Variants in NKAIN3 observed in about 807,000 individuals in gnomAD.
NKAIN3 encodes the protein sodium/potassium transporting ATPase interacting 3.
NKAIN3 carries 25 observed loss-of-function variants against 30.2 expected under a neutral mutation model. The ratio of observed to expected loss-of-function variants is 0.83; its 90% CI spans 0.60 to 1.16. The LOEUF (loss-of-function observed/expected upper bound fraction) is 1.16, where lower values mean the gene tolerates loss of function less well. NKAIN3 is among the 50% of genes most tolerant of loss of function. The pLI is 0.00. For missense variants in NKAIN3, 225 were observed against 254.1 expected, an observed-to-expected ratio of 0.89 and a Z score of 0.78; for synonymous variants, 91 against 89.6, an observed-to-expected ratio of 1.02 and a Z score of -0.09.
intron 3 of NKAIN3, among the ~76,000 whole-genome samples, chr8:62,614,694 G>A (rs996880055): frequency 6.6e-6 from 1 of 152,264 alleles, no homozygotes; most frequent in South Asian, 2.1e-4. Flanking sequence ...TTGTATTGTG[G>A]CTGAGCTGGC....
chr8:62,635,760 GA>G (rs1812106979), intron 3 of NKAIN3, among the ~76,000 whole-genome samples: 2 of 152,128 alleles, frequency 1.3e-5, no homozygotes, highest in Non-Finnish European at 2.9e-5. Context: ...CCAACCTCCA[GA>G]TATGTGAGAA....
intron 3 of NKAIN3, among the ~76,000 whole-genome samples, chr8:62,617,487 G>T (rs982501595): frequency 2.6e-5 from 4 of 152,158 alleles, no homozygotes; most frequent in African/African-American, 9.7e-5. Context: ...GAATATAAGT[G>T]CAAAGAACTT....
intron 4 of NKAIN3, among the ~76,000 whole-genome samples, chr8:62,765,453 C>G (rs972327281): frequency 1.3e-5 from 2 of 151,986 alleles, no homozygotes; most frequent in African/African-American, 4.8e-5. Flanking sequence ...AAGGACCTGC[C>G]TAAGCAGAAT....
chr8:62,671,091 C>T (rs1813288143), intron 3 of NKAIN3, among the ~76,000 whole-genome samples: 1 of 152,108 alleles, frequency 6.6e-6, no homozygotes, highest in African/African-American at 2.4e-5. Context: ...ATTCTCAGCA[C>T]TTTTGAAATG....
intron 3 of NKAIN3, among the ~76,000 whole-genome samples, chr8:62,696,165 G>T (rs1814148196): frequency 6.6e-6 from 1 of 152,054 alleles, no homozygotes; most frequent in Non-Finnish European, 1.5e-5. Context: ...GTATTTTCGT[G>T]TCTGAAGTAT....
intron 1 of NKAIN3, among the ~76,000 whole-genome samples, chr8:62,268,216 C>T (rs187702596): frequency 6.6e-5 from 10 of 152,298 alleles, no homozygotes; most frequent in Non-Finnish European, 1.3e-4. Context: ...CATGCTTCCA[C>T]ATGAAAATAC....
At chr8:62,729,746 A>G (rs1815408316) in intron 3 of NKAIN3, among the ~76,000 whole-genome samples, 1 of 152,120 alleles carries the variant, frequency 6.6e-6, no homozygotes, top group Admixed American at 6.5e-5. Context: ...GGCCTACTGA[A>G]TTTATTTCCA....
intron 3 of NKAIN3, among the ~76,000 whole-genome samples, chr8:62,742,750 G>A (rs768158906): frequency 6.6e-6 from 1 of 152,128 alleles, no homozygotes; most frequent in African/African-American, 2.4e-5. Context: ...TTGATTTATG[G>A]TTTAGCATTA....
intron 4 of NKAIN3, among the ~76,000 whole-genome samples, chr8:62,861,628 A>G (rs1389203173): frequency 6.6e-6 from 1 of 152,216 alleles, no homozygotes; most frequent in Non-Finnish European, 1.5e-5. Context: ...TTCAGCCCAA[A>G]GCCCACCTGT....
intron 1 of NKAIN3, among the ~76,000 whole-genome samples, chr8:62,283,843 T>A (rs1294397794): frequency 1.3e-5 from 2 of 152,172 alleles, no homozygotes; most frequent in Non-Finnish European, 2.9e-5. Context: ...GTATCTTGTA[T>A]ACTTTCAAAA....
At chr8:62,311,233 G>A (rs1005099867) in intron 1 of NKAIN3, among the ~76,000 whole-genome samples, 28 of 150,438 alleles carry the variant, frequency 1.9e-4, no homozygotes, top group Non-Finnish European at 4.0e-4. Context: ...CTAATTAAAT[G>A]TATATATATT....
chr8:62,283,881 T>G (rs534538359), intron 1 of NKAIN3, among the ~76,000 whole-genome samples: 1 of 152,190 alleles, frequency 6.6e-6, no homozygotes, highest in African/African-American at 2.4e-5. Context: ...ATATGAAAGG[T>G]TTTTTATTTC....
Position 62,249,077 on chromosome 8 carries a change from G to T in NKAIN3, c.4G>T (p.Gly2Cys). Residue 2 changes from glycine to cysteine, a missense_variant, in exon 1 of 7, where the codon GGC (glycine) becomes TGC (cysteine). By Grantham distance (159) the Gly-to-Cys change is radical. Transcript: ENST00000623646. ...CCGCTCGGACGCCGCCGGCACCATG[G>T]GCTGCTGCACCGGACGCTGCTCGCT... is the stretch of plus-strand genomic sequence containing the variant. M[G>C]CCTGRCSLIC... 2.0e-6 allele frequency: 3 copies of T among 1,536,824 alleles called. No homozygotes were observed. Among genetic ancestry groups the T allele is most frequent in the Non-Finnish European group, 2.6e-6 (3 of 1,143,520 alleles).
intron 1 of NKAIN3, among the ~76,000 whole-genome samples, chr8:62,571,816 A>G (rs1010356668): frequency 6.6e-6 from 1 of 152,030 alleles, no homozygotes; most frequent in African/African-American, 2.4e-5. Flanking sequence ...TCCTTACACC[A>G]TAGCTGAAAC....
At chr8:62,619,050 C>T (rs1279859506) in intron 3 of NKAIN3, among the ~76,000 whole-genome samples, 3 of 152,136 alleles carry the variant, frequency 2.0e-5, no homozygotes, top group Non-Finnish European at 4.4e-5. Context: ...GTTCAGAGGC[C>T]TCAGATTCCA....
intron 3 of NKAIN3, among the ~76,000 whole-genome samples, chr8:62,685,637 A>T (rs73685434): frequency 6.6e-6 from 1 of 152,164 alleles, no homozygotes; most frequent in Admixed American, 6.5e-5. Context: ...CTTCATTGCT[A>T]CGGATAGTCA....
At chr8:62,530,441 TACTC>T (rs1039225336) in intron 1 of NKAIN3, among the ~76,000 whole-genome samples, 3 of 152,126 alleles carry the variant, frequency 2.0e-5, no homozygotes, top group African/African-American at 7.2e-5. Flanking sequence ...GACACAGTGA[TACTC>T]ACTGGCTCTG....
intron 1 of NKAIN3, among the ~76,000 whole-genome samples, chr8:62,455,981 C>T (rs1043483587): frequency 6.6e-6 from 1 of 152,070 alleles, no homozygotes; most frequent in African/African-American, 2.4e-5. Flanking sequence ...ATGTGGAAAA[C>T]GGATAAGTGG....
chr8:62,602,118 G>A (rs1369682953), intron 3 of NKAIN3, among the ~76,000 whole-genome samples: 4 of 152,010 alleles, frequency 2.6e-5, no homozygotes, highest in African/African-American at 9.7e-5. Flanking sequence ...AAACTACCAA[G>A]TAATTGCCAC....
Sources: allele counts gnomAD v4.1 joint callset (sites outside exome capture counted in the v4.1 genomes callset), GRCh38; gene constraint gnomAD v4.1.1; transcripts MANE v1.5; gene names NCBI Gene and HGNC (gene_info 2026-07-23, HGNC 2026-07-21).